ADAMTS2: variants seen among roughly 807,000 people sequenced by gnomAD.
ADAMTS2 encodes ADAM metallopeptidase with thrombospondin type 1 motif 2, also known as A disintegrin and metalloproteinase with thrombospondin motifs 2.
A neutral mutation model predicts 123.0 loss-of-function variants in ADAMTS2; 50 were observed. The observed-to-expected ratio is 0.41, with a 90% CI of 0.32 to 0.51. The LOEUF is 0.51. Among genes scored for constraint, ADAMTS2 ranks in the 20% least tolerant of loss-of-function variants. The probability of loss-of-function intolerance (pLI) is 0.35; values close to 1 mark genes in which losing one functional copy is unlikely to be tolerated. For synonymous variants in ADAMTS2, 678 were observed against 695.4 expected (o/e 0.98, Z 0.39); for missense variants, 1,494 against 1,705.2 (o/e 0.88, Z 2.18).
chr5:179,163,043 A>G (rs535842794), intron 5 of ADAMTS2, among the ~76,000 whole-genome samples: 5 of 152,294 alleles, frequency 3.3e-5, no homozygotes, highest in Admixed American at 3.3e-4. Context: ...ACATGCCCCA[A>G]TATCAGGACC....
At chr5:179,135,558 G>A (rs1763051889) in intron 13 of ADAMTS2, among the ~76,000 whole-genome samples, 1 of 152,174 alleles carries the variant, frequency 6.6e-6, no homozygotes. Flanking sequence ...GCAAGGATGG[G>A]GCCTGCTTCA....
At chr5:179,335,384 C>T (rs1372448182) in intron 2 of ADAMTS2, among the ~76,000 whole-genome samples, 1 of 152,098 alleles carries the variant, frequency 6.6e-6, no homozygotes, top group East Asian at 1.9e-4. Flanking sequence ...ATATTTTATA[C>T]TCAGGGTACC....
rs535194613 is a variant in ADAMTS2 at position 179,127,323 on chromosome 5, G to A, written c.2617+636C>T. On this transcript the variant is annotated intron_variant, in intron 17 of 21. Coordinates refer to ENST00000251582, the MANE Select transcript of ADAMTS2 (RefSeq NM_014244.5). ...GACCCTTCCATCTGCCTGGGCCAGG[G>A]AGTGACCCCACCTCTTGGTGAGCTC... 3.3e-5 allele frequency among the ~76,000 whole-genome samples: 5 copies of A among 152,284 alleles called. No individual in the cohort carries two copies. In the East Asian group the frequency reaches 9.7e-4, roughly 29 times the overall value.
chr5:179,294,430 G>C (rs1561699477), intron 2 of ADAMTS2, among the ~76,000 whole-genome samples: 1 of 152,242 alleles, frequency 6.6e-6, no homozygotes, highest in Non-Finnish European at 1.5e-5. Context: ...TAGAAGCTCT[G>C]TCCAGGCTCC....
In ADAMTS2 at chr5:179,132,252, T is replaced by A. The variant is rs751061841; in HGVS notation, c.2268A>T (p.Val756=). Reference sequence around the variant, plus strand: ...CACCCAGATGGTGGCTGGTGGCGTCTACCTCCTGAATGAGCAGGTGTCTGG... The same window carrying A: ...CACCCAGATGGTGGCTGGTGGCGTCAACCTCCTGAATGAGCAGGTGTCTGG... ...AGARHLLIQE[V]DATSHHLAVK... Residue 756 remains valine, a synonymous_variant, in exon 15 of 22, where the codon GTA becomes GTT. Coordinates refer to ENST00000251582, the MANE Select transcript of ADAMTS2 (RefSeq NM_014244.5). The surrounding 1 kb of genome is among the most constrained non-coding windows in gnomAD (Gnocchi z 6.1). The A allele has an allele frequency of 5.6e-6, 9 of 1,614,192 alleles. No homozygotes were observed. Among genetic ancestry groups the A allele is most frequent in the Non-Finnish European group, 7.6e-6 (9 of 1,180,044 alleles).
At position 179,332,744 on chromosome 5, in the gene ADAMTS2, G is replaced by A. The variant is rs1307857273; in HGVS notation, c.534+11023C>T. Among the ~76,000 whole-genome samples the A allele has an allele frequency of 2.0e-5, 3 of 151,786 alleles. No homozygotes were observed. Among genetic ancestry groups the A allele is most frequent in the Non-Finnish European group, 4.4e-5 (3 of 67,948 alleles). On this transcript the variant is annotated intron_variant, in intron 2 of 21. Coordinates refer to ENST00000251582, the MANE Select transcript of ADAMTS2 (RefSeq NM_014244.5). This position sits in a 1 kb window ranked among gnomAD's most constrained non-coding sequence, Gnocchi z 4.2. ...ATGGGAGAGGAAGGGAGGGAGGAGT[G>A]CAGAGAGGAAGGGAGGGGAAGGAAG...
rs547752620 is a variant in ADAMTS2 at position 179,115,542 on chromosome 5, C to T, written c.3179-1218G>A. Among the ~76,000 whole-genome samples the T allele has an allele frequency of 3.9e-5, 6 of 152,178 alleles. No individual in the cohort carries two copies. The South Asian group carries it at 6.2e-4, about 16-fold the overall frequency. On this transcript the variant is annotated intron_variant, in intron 21 of 21. Coordinates refer to ENST00000251582, the MANE Select transcript of ADAMTS2 (RefSeq NM_014244.5). This position sits in a 1 kb window ranked among gnomAD's most constrained non-coding sequence, Gnocchi z 4.4. ...AGACCTTTCCCACACAAACCCCCGA[C>T]GTGCCCTCCTTTTCCCTCACTCTCC...
chr5:179,128,727 T>C lies in ADAMTS2; in HGVS notation c.2458-609A>G, dbSNP rs1396080754. 6.6e-6 allele frequency among the ~76,000 whole-genome samples: 1 copy of C among 152,168 alleles called. No homozygotes were observed. The highest frequency in any genetic ancestry group is 1.5e-5 in the Non-Finnish European group (1 of 68,042). ...GTCTGTTTAAAGACACTTTATTTAA[T>C]TTTTACTGTGATTCATTAACACTGA... is the stretch of plus-strand genomic sequence containing the variant. On this transcript the variant is annotated intron_variant, in intron 16 of 21. Coordinates refer to ENST00000251582, the MANE Select transcript of ADAMTS2 (RefSeq NM_014244.5). The surrounding 1 kb of genome is among the most constrained non-coding windows in gnomAD (Gnocchi z 4.9).
intron 3 of ADAMTS2, among the ~76,000 whole-genome samples, chr5:179,209,548 G>GCACACACACACACA (rs1764801099): frequency 8.8e-6 from 1 of 114,146 alleles, no homozygotes; most frequent in African/African-American, 3.5e-5. Context: ...GCACACACAT[G>GCACACACACACACA]TACACACACA....
Position 179,152,267 on chromosome 5 carries a change from C to G in ADAMTS2, c.1516-12G>C. 1 of 1,613,078 alleles carries G rather than the reference C, an allele frequency of 6.2e-7. No individual in the cohort carries two copies. Among genetic ancestry groups the G allele is most frequent in the South Asian group, 1.1e-5 (1 of 91,036 alleles). On this transcript the variant is annotated splice_polypyrimidine_tract_variant and intron_variant, in intron 9 of 21. Coordinates refer to ENST00000251582, the MANE Select transcript of ADAMTS2 (RefSeq NM_014244.5). ...TCAAAGGTCCGGAACTGGAAGACAG[C>G]ACCATAGCTTGCCAGGTCCCTCCCA...
intron 3 of ADAMTS2, among the ~76,000 whole-genome samples, chr5:179,252,673 C>G (rs1200754245): frequency 3.9e-5 from 6 of 152,078 alleles, no homozygotes; most frequent in Non-Finnish European, 8.8e-5. Context: ...GAGATTTGCA[C>G]TTAATTGACC....
intron 17 of ADAMTS2, among the ~76,000 whole-genome samples, chr5:179,126,356 G>T (rs1299728110): frequency 6.6e-6 from 1 of 152,184 alleles, no homozygotes; most frequent in East Asian, 1.9e-4. Flanking sequence ...CCCCTAGGCT[G>T]CCTCTCCCTC....
chr5:179,227,889 TG>T (rs1431624348), intron 3 of ADAMTS2, among the ~76,000 whole-genome samples: 1 of 149,592 alleles, frequency 6.7e-6, no homozygotes, highest in Non-Finnish European at 1.5e-5. Flanking sequence ...GGAAGGAGGG[TG>T]GAAGGCAGGG....
At chr5:179,258,170 C>T (rs915246345) in intron 3 of ADAMTS2, among the ~76,000 whole-genome samples, 8 of 152,178 alleles carry the variant, frequency 5.3e-5, no homozygotes, top group South Asian at 2.1e-4. Context: ...CCTCTGCACA[C>T]GCTGGGGCTG....
chr5:179,233,737 A>G (rs942490971), intron 3 of ADAMTS2, among the ~76,000 whole-genome samples: 1 of 152,156 alleles, frequency 6.6e-6, no homozygotes, highest in African/African-American at 2.4e-5. Context: ...ACAAAAAAAC[A>G]GAAACACACA....
chr5:179,274,638 C>T (rs1182378925), intron 2 of ADAMTS2, among the ~76,000 whole-genome samples: 1 of 152,232 alleles, frequency 6.6e-6, no homozygotes, highest in Non-Finnish European at 1.5e-5. Context: ...TCCCTGACCC[C>T]AGGTGCTCGG....
intron 3 of ADAMTS2, among the ~76,000 whole-genome samples, chr5:179,237,985 C>A (rs1470662172): frequency 6.6e-6 from 1 of 152,212 alleles, no homozygotes; most frequent in Non-Finnish European, 1.5e-5. Context: ...TTAACCAGAA[C>A]TTGGGGTCCC....
chr5:179,136,827 G>A (rs112071001), intron 12 of ADAMTS2, among the ~76,000 whole-genome samples: 27,188 of 151,878 alleles, frequency 0.18, 3,033 homozygotes, highest in Non-Finnish European at 0.25. Context: ...AAATTTAGCC[G>A]GGTGTGGTGG....
At chr5:179,215,073 G>A (rs1159441126) in intron 3 of ADAMTS2, among the ~76,000 whole-genome samples, 1 of 152,156 alleles carries the variant, frequency 6.6e-6, no homozygotes, top group Non-Finnish European at 1.5e-5. Flanking sequence ...TCAAATTAAT[G>A]CAGTGTATTA....
Sources: allele counts gnomAD v4.1 joint callset (sites outside exome capture counted in the v4.1 genomes callset), GRCh38; gene constraint gnomAD v4.1.1; non-coding constraint Gnocchi (gnomAD v3.1); transcripts MANE v1.5; gene names NCBI Gene and HGNC (gene_info 2026-07-23, HGNC 2026-07-21).